Variants in LDAH observed in about 807,000 individuals in gnomAD.
LDAH encodes lipid droplet-associated hydrolase.
In LDAH, 26 loss-of-function variants were observed where a neutral mutation model predicts 29.6. That is an observed-to-expected ratio of 0.88 (90% CI 0.64 to 1.22). LDAH has a LOEUF of 1.22. LDAH is among the 50% of genes most tolerant of loss of function. LDAH has a pLI of 0.00. For synonymous variants in LDAH, 117 were observed against 133.0 expected, an observed-to-expected ratio of 0.88 and a Z score of 0.83; for missense variants, 344 against 387.3, an observed-to-expected ratio of 0.89 and a Z score of 0.94.
Position 20,774,852 on chromosome 2 carries a change from G to T in LDAH, c.426C>A (p.Ser142Arg). 1 of 1,613,434 alleles carries T rather than the reference G, an allele frequency of 6.2e-7. No individual in the cohort carries two copies. The highest frequency in any genetic ancestry group is 8.5e-7 in the Non-Finnish European group (1 of 1,179,964). The change falls in exon 4 of 7, where the codon AGC becomes AGA. Residue 142 changes from serine (S) to arginine (R), a missense_variant. Transcript: ENST00000237822. The stretch of plus-strand genomic sequence containing the variant: ...GCTTCAGCATCTGAAGTGTGAAATA[G>T]CTGCCTATTGAATGGCCAATGAGCA... ...KLVLIGHSIG[S>R]YFTLQMLKRV...
intron 4 of LDAH, among the ~76,000 whole-genome samples, chr2:20,759,557 T>A (rs575919032): frequency 2.0e-5 from 3 of 152,184 alleles, no homozygotes; most frequent in African/African-American, 7.2e-5. Context: ...AACAACCTCA[T>A]ACATGCTGGT....
intron 5 of LDAH, among the ~76,000 whole-genome samples, chr2:20,725,585 A>G (rs1006947042): frequency 1.3e-5 from 2 of 152,214 alleles, no homozygotes; most frequent in African/African-American, 4.8e-5. Flanking sequence ...TGCAGTGTGG[A>G]TGTAGTAGAC....
intron 5 of LDAH, among the ~76,000 whole-genome samples, chr2:20,713,642 C>T (rs563885261): frequency 6.6e-6 from 1 of 152,276 alleles, no homozygotes; most frequent in African/African-American, 2.4e-5. Context: ...GGAGACCCAT[C>T]TCACGTGCAG....
In LDAH at chr2:20,684,851, CTGTT is replaced by C. The variant is rs1662452190; in HGVS notation, c.*2048_*2051del. 3 of 1,541,742 alleles carry C rather than the reference CTGTT, an allele frequency of 1.9e-6. No individual in the cohort carries two copies. The highest frequency in any genetic ancestry group is 4.0e-5 in the Admixed American group (2 of 49,536). ...GCTTCTGGAAAATGGATTTCTTCCACTGTTTGTCCATTTTAGTCTAATCCCTAAT... is the reference window on the plus strand; with the variant it reads ...GCTTCTGGAAAATGGATTTCTTCCACTGTCCATTTTAGTCTAATCCCTAAT... On this transcript the variant is annotated 3_prime_UTR_variant, in exon 7 of 7. Transcript: ENST00000237822.
chr2:20,803,893 C>A (rs541690682), intron 1 of LDAH, among the ~76,000 whole-genome samples: 1 of 152,304 alleles, frequency 6.6e-6, no homozygotes, highest in South Asian at 2.1e-4. Context: ...ATTTTAGTTA[C>A]TATGTGGCTT....
chr2:20,690,379 A>G (rs1436835001), intron 6 of LDAH, among the ~76,000 whole-genome samples: 18 of 152,172 alleles, frequency 1.2e-4, no homozygotes, highest in Non-Finnish European at 2.2e-4. Flanking sequence ...ATTCTCTACA[A>G]TCCTTAAACG....
chr2:20,801,249 A>C, intron 2 of LDAH, 61 bp downstream of exon 2: 1 of 1,527,754 alleles, frequency 6.5e-7, no homozygotes, highest in African/African-American at 1.4e-5. Context: ...TCTATACTTT[A>C]AAATCAGACA....
intron 3 of LDAH, among the ~76,000 whole-genome samples, chr2:20,787,358 A>G (rs1301191901): frequency 6.6e-6 from 1 of 152,060 alleles, no homozygotes; most frequent in Non-Finnish European, 1.5e-5. Flanking sequence ...CAGTGGCACA[A>G]TCTTGGCTCA....
chr2:20,767,975 G>A (rs985386450), intron 4 of LDAH, among the ~76,000 whole-genome samples: 87 of 152,256 alleles, frequency 5.7e-4, no homozygotes, highest in African/African-American at 2.0e-3. Context: ...CAGCTGCAGA[G>A]AGGAGCTACC....
chr2:20,799,633 T>C (rs1447966030), intron 2 of LDAH, among the ~76,000 whole-genome samples: 1 of 152,270 alleles, frequency 6.6e-6, no homozygotes, highest in South Asian at 2.1e-4. Flanking sequence ...TCATCTAACT[T>C]GCATGTTTGT....
At chr2:20,730,692 G>A (rs889961041) in intron 5 of LDAH, among the ~76,000 whole-genome samples, 2 of 152,064 alleles carry the variant, frequency 1.3e-5, no homozygotes, top group African/African-American at 2.4e-5. Context: ...TTAGGTTGAG[G>A]TTCATTTCCT....
At chr2:20,716,482 A>C (rs1425853974) in intron 5 of LDAH, among the ~76,000 whole-genome samples, 4 of 151,688 alleles carry the variant, frequency 2.6e-5, no homozygotes, top group Non-Finnish European at 5.9e-5. Flanking sequence ...CAAGGACAGA[A>C]AACCAAACAC....
intron 4 of LDAH, among the ~76,000 whole-genome samples, chr2:20,744,290 T>C (rs1462105494): frequency 6.6e-6 from 1 of 151,426 alleles, no homozygotes; most frequent in Non-Finnish European, 1.5e-5. Flanking sequence ...GGACATGATG[T>C]ACCAGGTAAA....
intron 2 of LDAH, among the ~76,000 whole-genome samples, chr2:20,797,921 T>C (rs959554646): frequency 1.3e-5 from 2 of 152,100 alleles, no homozygotes; most frequent in African/African-American, 4.8e-5. Context: ...GAAAAAACAG[T>C]CACACCAAGG....
chr2:20,816,395 T>C (rs1672850883), intron 1 of LDAH, among the ~76,000 whole-genome samples: 1 of 151,792 alleles, frequency 6.6e-6, no homozygotes, highest in Admixed American at 6.6e-5. Flanking sequence ...CACTAAAACA[T>C]AATGACATTG....
chr2:20,783,846 G>C (rs1307232030), intron 3 of LDAH, among the ~76,000 whole-genome samples: 3 of 152,146 alleles, frequency 2.0e-5, no homozygotes, highest in African/African-American at 7.2e-5. Flanking sequence ...TGAGTAGGCT[G>C]AACCACAGGT....
At chr2:20,808,640 A>G (rs1277905613) in intron 1 of LDAH, among the ~76,000 whole-genome samples, 1 of 149,904 alleles carries the variant, frequency 6.7e-6, no homozygotes, top group Non-Finnish European at 1.5e-5. Flanking sequence ...CCTGCGCGAT[A>G]GAGAGAGACT....
intron 2 of LDAH, among the ~76,000 whole-genome samples, chr2:20,800,210 G>C (rs567909599): frequency 1.4e-4 from 21 of 152,280 alleles, no homozygotes; most frequent in African/African-American, 5.1e-4. Context: ...CCCTCTCTAA[G>C]AAACTCATAA....
chr2:20,687,653 G>A (rs1662666066), intron 6 of LDAH, among the ~76,000 whole-genome samples: 1 of 152,174 alleles, frequency 6.6e-6, no homozygotes, highest in African/African-American at 2.4e-5. Context: ...TGATTCAGTG[G>A]GGAAGTGCAA....
Sources: allele counts gnomAD v4.1 joint callset (sites outside exome capture counted in the v4.1 genomes callset), GRCh38; gene constraint gnomAD v4.1.1; transcripts MANE v1.5; gene names NCBI Gene and HGNC (gene_info 2026-07-23, HGNC 2026-07-21).